The following CSMD1 variants were observed in gnomAD, a reference collection of about 807,000 sequenced individuals.
CSMD1 encodes CUB and Sushi multiple domains 1, also known as CUB and sushi domain-containing protein 1.
Under a neutral mutation model 417.5 loss-of-function variants are expected in CSMD1, and 213 were observed. That is an observed-to-expected ratio of 0.51 (90% CI 0.46 to 0.57). CSMD1 has a LOEUF of 0.57. Among genes scored for constraint, CSMD1 ranks in the 20% least tolerant of loss-of-function variants. CSMD1 has a pLI of 0.00. For missense variants in CSMD1, 6,923 were observed against 4,529.7 expected (o/e 1.53, Z -15.17); for synonymous variants, 2,862 against 1,736.8 (o/e 1.65, Z -16.11).
intron 26 of CSMD1, among the ~76,000 whole-genome samples, chr8:3,275,924 C>T (rs1744014433): frequency 6.6e-6 from 1 of 152,206 alleles, no homozygotes; most frequent in Non-Finnish European, 1.5e-5. Context: ...CTTCTTCTCT[C>T]AGCTTGTCAA....
At chr8:3,363,114 C>G (rs1354489297) in intron 20 of CSMD1, among the ~76,000 whole-genome samples, 3 of 152,186 alleles carry the variant, frequency 2.0e-5, no homozygotes, top group Admixed American at 6.5e-5. Context: ...AACTTGGTGT[C>G]TTGGTCCTCC....
chr8:4,310,586 A>C (rs1407683888), intron 3 of CSMD1, among the ~76,000 whole-genome samples: 1 of 152,228 alleles, frequency 6.6e-6, no homozygotes, highest in African/African-American at 2.4e-5. Context: ...GAAAGTTTTC[A>C]TAGCTCTCGA....
intron 54 of CSMD1, among the ~76,000 whole-genome samples, chr8:2,992,865 G>A (rs1228112762): frequency 1.3e-5 from 2 of 151,974 alleles, no homozygotes; most frequent in African/African-American, 2.4e-5. Context: ...AGCCTCCTAG[G>A]TAGGTGGAAC....
At chr8:3,747,996 G>C (rs916217963) in intron 6 of CSMD1, among the ~76,000 whole-genome samples, 2 of 152,064 alleles carry the variant, frequency 1.3e-5, no homozygotes, top group Non-Finnish European at 1.5e-5. Context: ...AGGTGGACGT[G>C]ATTATTTCTA....
intron 10 of CSMD1, among the ~76,000 whole-genome samples, chr8:3,501,680 A>G (rs1159468772): frequency 1.3e-5 from 2 of 152,228 alleles, no homozygotes; most frequent in African/African-American, 4.8e-5. Context: ...CCTTTCAAAC[A>G]GTGAATTTCC....
intron 49 of CSMD1, among the ~76,000 whole-genome samples, chr8:3,061,345 G>A (rs1036955286): frequency 1.3e-5 from 2 of 152,154 alleles, no homozygotes; most frequent in African/African-American, 4.8e-5. Context: ...CAGATTTAAT[G>A]TAAAAGAAAG....
chr8:4,248,310 A>G lies in CSMD1; in HGVS notation c.415+171643T>C, dbSNP rs1288446860. Among the ~76,000 whole-genome samples the G allele has an allele frequency of 2.6e-5, 4 of 152,154 alleles. No homozygotes were observed. The East Asian group carries it at 7.7e-4, about 29-fold the overall frequency. On this transcript the variant is annotated intron_variant, in intron 3 of 69. Coordinates refer to ENST00000635120, the MANE Select transcript of CSMD1 (RefSeq NM_033225.6). ...TACAAACAATCTGAATTTATATACT[A>G]ATCAATCAATGCATGAAAGTTTCTC...
At chr8:3,318,386 G>A (rs1395996963) in intron 23 of CSMD1, among the ~76,000 whole-genome samples, 1 of 152,120 alleles carries the variant, frequency 6.6e-6, no homozygotes, top group Non-Finnish European at 1.5e-5. Context: ...CAATCACTTA[G>A]CATATGAAGT....
At chr8:3,336,628 C>T (rs572737875) in intron 23 of CSMD1, among the ~76,000 whole-genome samples, 7 of 152,328 alleles carry the variant, frequency 4.6e-5, no homozygotes, top group African/African-American at 1.7e-4. Context: ...GCAAGGGGCA[C>T]ACTGAGAGCA....
At chr8:4,170,272 G>A (rs1252186817) in intron 3 of CSMD1, among the ~76,000 whole-genome samples, 1 of 151,638 alleles carries the variant, frequency 6.6e-6, no homozygotes, top group Non-Finnish European at 1.5e-5. Flanking sequence ...CCCTTGCCTT[G>A]GGTAGAGTCT....
intron 5 of CSMD1, among the ~76,000 whole-genome samples, chr8:3,877,240 G>A (rs367635763): frequency 1.4e-4 from 21 of 152,132 alleles, no homozygotes; most frequent in Admixed American, 3.3e-4. Context: ...TTTGAGACCT[G>A]CCTACAGTGA....
At chr8:4,689,461 A>G (rs1252042063) in intron 1 of CSMD1, among the ~76,000 whole-genome samples, 2 of 152,126 alleles carry the variant, frequency 1.3e-5, no homozygotes, top group Non-Finnish European at 2.9e-5. Context: ...TATTAGAAGG[A>G]TTTGTGGGGA....
chr8:4,001,770 C>A (rs533332643), intron 4 of CSMD1, among the ~76,000 whole-genome samples: 4 of 152,116 alleles, frequency 2.6e-5, no homozygotes, highest in Non-Finnish European at 4.4e-5. Flanking sequence ...GACCAGAGCA[C>A]TGACTGCAAC....
chr8:4,767,987 G>T (rs892436910), intron 1 of CSMD1, among the ~76,000 whole-genome samples: 7 of 151,034 alleles, frequency 4.6e-5, no homozygotes, highest in Non-Finnish European at 8.9e-5. Flanking sequence ...AGAGTGTGGA[G>T]CATGGTGGGC....
intron 3 of CSMD1, among the ~76,000 whole-genome samples, chr8:4,236,073 A>G (rs1449645762): frequency 3.0e-5 from 2 of 66,786 alleles, no homozygotes; most frequent in Non-Finnish European, 5.6e-5. Context: ...TTTTTTTGTA[A>G]TTTCATTTTT....
chr8:3,828,575 C>G (rs997884246), intron 5 of CSMD1, among the ~76,000 whole-genome samples: 1 of 152,196 alleles, frequency 6.6e-6, no homozygotes, highest in Non-Finnish European at 1.5e-5. Context: ...CGTATTGACT[C>G]TCTCTGCAAA....
At chr8:3,784,031 T>C (rs1799318351) in intron 5 of CSMD1, among the ~76,000 whole-genome samples, 2 of 152,250 alleles carry the variant, frequency 1.3e-5, no homozygotes, top group African/African-American at 4.8e-5. Flanking sequence ...TCGTACAACA[T>C]GCCTGACAGC....
At chr8:4,893,307 T>G (rs1804251440) in intron 1 of CSMD1, among the ~76,000 whole-genome samples, 1 of 152,160 alleles carries the variant, frequency 6.6e-6, no homozygotes, top group African/African-American at 2.4e-5. Context: ...TTATATATTC[T>G]GTAGAGTAAT....
chr8:2,965,685 G>T, intron 59 of CSMD1, 90 bp downstream of exon 59: 1 of 1,141,474 alleles, frequency 8.8e-7, no homozygotes, highest in South Asian at 1.6e-5. Context: ...CCCTAGAAGG[G>T]CTACATAAAT....
Sources: gnomAD v4.1 joint callset for allele counts (sites outside exome capture counted in the v4.1 genomes callset) on GRCh38, gnomAD v4.1.1 for gene constraint, MANE v1.5 for transcripts, NCBI Gene and HGNC (gene_info 2026-07-23, HGNC 2026-07-21) for gene names.